Variants in PRKAR2B observed in about 807,000 individuals in gnomAD.
PRKAR2B encodes protein kinase cAMP-dependent type II regulatory subunit beta, also known as cAMP-dependent protein kinase type II-beta regulatory subunit.
Under a neutral mutation model 49.9 loss-of-function variants are expected in PRKAR2B, and 14 were observed. That is an observed-to-expected ratio of 0.28 (90% CI 0.19 to 0.44). The LOEUF (loss-of-function observed/expected upper bound fraction) is 0.44, where lower values mean the gene tolerates loss of function less well. PRKAR2B is among the 20% of genes least tolerant of loss of function. The pLI is 1.00. For synonymous variants in PRKAR2B, 196 were observed against 197.7 expected (o/e 0.99, Z 0.07); for missense variants, 393 against 537.9 (o/e 0.73, Z 2.67).
chr7:107,045,272 C>G, intron 1 of PRKAR2B, 58 bp downstream of exon 1: 1 of 1,348,622 alleles, frequency 7.4e-7, no homozygotes, highest in Non-Finnish European at 9.7e-7. Flanking sequence ...CCCCACCGCT[C>G]CCCGCTGTGC....
intron 1 of PRKAR2B, among the ~76,000 whole-genome samples, chr7:107,053,525 AGT>A (rs56855022): frequency 0.27 from 38,247 of 141,720 alleles, 4,692 homozygotes; most frequent in Admixed American, 0.35. Flanking sequence ...GATTATAAAG[AGT>A]GTGTGTGTGT....
chr7:107,158,254 C>T (rs948824689), intron 10 of PRKAR2B, among the ~76,000 whole-genome samples: 15 of 151,376 alleles, frequency 9.9e-5, no homozygotes, highest in African/African-American at 3.2e-4. Flanking sequence ...GAGTGAAAGT[C>T]TATTAGAAAG....
intron 4 of PRKAR2B, chr7:107,133,465 A>G (rs1374496746): frequency 2.0e-5 from 3 of 152,230 alleles, no homozygotes; most frequent in Non-Finnish European, 4.4e-5. Flanking sequence ...GCAAAACAAT[A>G]TATTAGTAAA....
At chr7:107,131,953 G>A (rs1194172828) in intron 4 of PRKAR2B, among the ~76,000 whole-genome samples, 2 of 152,204 alleles carry the variant, frequency 1.3e-5, no homozygotes, top group Admixed American at 6.5e-5. Flanking sequence ...TGTTTAAAGT[G>A]TTGGAGGCCA....
intron 2 of PRKAR2B, among the ~76,000 whole-genome samples, chr7:107,071,798 G>A (rs1374200046): frequency 6.6e-6 from 1 of 152,202 alleles, no homozygotes; most frequent in Non-Finnish European, 1.5e-5. Flanking sequence ...GGGCGAGGTG[G>A]CTCACGCCTG....
intron 4 of PRKAR2B, 39 bp downstream of exon 4, chr7:107,128,334 TCCCC>T: frequency 6.8e-7 from 1 of 1,466,960 alleles, no homozygotes; most frequent in African/African-American, 1.4e-5. Flanking sequence ...CTTTGTTTTT[TCCCC>T]CAGTGACAGT....
intron 8 of PRKAR2B, among the ~76,000 whole-genome samples, chr7:107,155,195 A>G (rs1796059121): frequency 6.6e-6 from 1 of 152,090 alleles, no homozygotes; most frequent in Non-Finnish European, 1.5e-5. Context: ...AATTTGGGTG[A>G]AATTCTTACC....
At chr7:107,098,162 T>C (rs1367262778) in intron 2 of PRKAR2B, among the ~76,000 whole-genome samples, 1 of 152,232 alleles carries the variant, frequency 6.6e-6, no homozygotes, top group Non-Finnish European at 1.5e-5. Flanking sequence ...AGACGCAGAT[T>C]TGGTCTTTCA....
At chr7:107,076,719 T>C (rs1794405564) in intron 2 of PRKAR2B, among the ~76,000 whole-genome samples, 1 of 152,196 alleles carries the variant, frequency 6.6e-6, no homozygotes, top group Admixed American at 6.5e-5. Context: ...AACATATAAT[T>C]TTGTGGTATA....
At chr7:107,111,800 A>T (rs1795177354) in intron 2 of PRKAR2B, among the ~76,000 whole-genome samples, 1 of 151,862 alleles carries the variant, frequency 6.6e-6, no homozygotes, top group African/African-American at 2.4e-5. Context: ...ACATTTCTAA[A>T]CTGACCCCTC....
At chr7:107,099,537 A>C (rs1794916020) in intron 2 of PRKAR2B, among the ~76,000 whole-genome samples, 1 of 152,110 alleles carries the variant, frequency 6.6e-6, no homozygotes, top group Non-Finnish European at 1.5e-5. Flanking sequence ...AGTTGAACCC[A>C]GTACCTCAGT....
intron 10 of PRKAR2B, 140 bp downstream of exon 10, chr7:107,157,464 CT>C: frequency 9.2e-7 from 1 of 1,092,638 alleles, no homozygotes; most frequent in Non-Finnish European, 1.2e-6. Flanking sequence ...GACTCATTGC[CT>C]TATAAAATCA....
Position 107,161,625 on chromosome 7 carries a change from C to T in PRKAR2B, c.*2043C>T, listed in dbSNP as rs927038463. 1.3e-5 allele frequency: 2 copies of T among 152,480 alleles called. No homozygotes were observed. Among genetic ancestry groups the T allele is most frequent in the African/African-American group, 4.8e-5 (2 of 41,412 alleles). 9.4% of individuals were successfully genotyped at this position (152,480 alleles called of 1,614,324 possible). A position where few individuals can be genotyped will look rare whatever the true frequency, so the allele number is the denominator to read the frequency against. ...GGCATGTGGAAGCGAACCCCCAGGGCATAACATAGTAAGAAAGTATGGTTC... is the reference window on the plus strand; with the variant it reads ...GGCATGTGGAAGCGAACCCCCAGGGTATAACATAGTAAGAAAGTATGGTTC... On this transcript the variant is annotated 3_prime_UTR_variant, in exon 11 of 11. Coordinates refer to ENST00000265717, the MANE Select transcript of PRKAR2B (RefSeq NM_002736.3).
Position 107,070,265 on chromosome 7 carries a change from C to T in PRKAR2B, c.308-16C>T, listed in dbSNP as rs780941061. 2 of 1,598,652 alleles carry T rather than the reference C, an allele frequency of 1.3e-6. No homozygotes were observed. The highest frequency in any genetic ancestry group is 2.2e-5 in the East Asian group (1 of 44,522). ...AGACTTTTAATCTAATCATATTATTCTGCTTTTTCTTTTAGCTCCAGTAAT... is the reference window on the plus strand; with the variant it reads ...AGACTTTTAATCTAATCATATTATTTTGCTTTTTCTTTTAGCTCCAGTAAT... On this transcript the variant is annotated splice_polypyrimidine_tract_variant and intron_variant, in intron 1 of 10. Transcript: ENST00000265717.
At chr7:107,119,199 G>T (rs1048722670) in intron 2 of PRKAR2B, among the ~76,000 whole-genome samples, 1 of 152,152 alleles carries the variant, frequency 6.6e-6, no homozygotes, top group African/African-American at 2.4e-5. Flanking sequence ...AACAGTAATG[G>T]ATCAGAGGGT....
intron 2 of PRKAR2B, among the ~76,000 whole-genome samples, chr7:107,107,528 C>T (rs1307511797): frequency 2.0e-5 from 3 of 152,100 alleles, no homozygotes; most frequent in Admixed American, 1.3e-4. Flanking sequence ...ACAGGGATCT[C>T]TGCTAGACAG....
intron 1 of PRKAR2B, chr7:107,066,760 A>G (rs182099630): frequency 1.3e-4 from 20 of 151,620 alleles, no homozygotes; most frequent in African/African-American, 4.8e-4. Flanking sequence ...TTTAGTATAG[A>G]GATGGGGTTT....
intron 2 of PRKAR2B, among the ~76,000 whole-genome samples, chr7:107,112,003 C>CAAAAAAAAA (rs71134251): frequency 6.5e-5 from 3 of 46,148 alleles, no homozygotes; most frequent in African/African-American, 9.3e-5. Flanking sequence ...CCTCCTCTAC[C>CAAAAAAAAA]AAAAAAAAAA....
chr7:107,153,303 CTG>C, intron 8 of PRKAR2B, 52 bp downstream of exon 8: 1 of 1,314,080 alleles, frequency 7.6e-7, no homozygotes, highest in Non-Finnish European at 1.1e-6. Context: ...CAAAAGGTTC[CTG>C]TAGTGGTAGA....
Sources: allele counts gnomAD v4.1 joint callset (sites outside exome capture counted in the v4.1 genomes callset), GRCh38; gene constraint gnomAD v4.1.1; transcripts MANE v1.5; gene names NCBI Gene and HGNC (gene_info 2026-07-23, HGNC 2026-07-21).